The following RNF180 variants were observed in gnomAD, a reference collection of about 807,000 sequenced individuals.
The protein encoded by RNF180 is ring finger protein 180.
RNF180 carries 38 observed loss-of-function variants against 59.2 expected under a neutral mutation model. The ratio of observed to expected loss-of-function variants is 0.64; its 90% CI spans 0.50 to 0.84. The LOEUF (loss-of-function observed/expected upper bound fraction) is 0.84. Among genes scored for constraint, RNF180 ranks in the 40% least tolerant of loss-of-function variants. RNF180 has a pLI of 0.00. For synonymous variants in RNF180, 262 were observed against 240.3 expected, an observed-to-expected ratio of 1.09 and a Z score of -0.84; for missense variants, 705 against 700.9, an observed-to-expected ratio of 1.01 and a Z score of -0.07.
At chr5:64,243,344 A>T (rs1385583188) in intron 5 of RNF180, among the ~76,000 whole-genome samples, 1 of 152,266 alleles carries the variant, frequency 6.6e-6, no homozygotes, top group South Asian at 2.1e-4. Flanking sequence ...GCTCAAAATT[A>T]TTGCTGCCAG....
At chr5:64,262,348 G>A (rs1419972247) in intron 5 of RNF180, among the ~76,000 whole-genome samples, 2 of 152,156 alleles carry the variant, frequency 1.3e-5, no homozygotes, top group Admixed American at 6.6e-5. Flanking sequence ...TAATGCATCT[G>A]TGTGTCATCT....
At chr5:64,240,452 G>C (rs547114533) in intron 5 of RNF180, among the ~76,000 whole-genome samples, 1 of 152,276 alleles carries the variant, frequency 6.6e-6, no homozygotes, top group African/African-American at 2.4e-5. Context: ...ATGAACCTCA[G>C]ATTCCTTAAA....
intron 7 of RNF180, among the ~76,000 whole-genome samples, chr5:64,366,937 A>G (rs1459127370): frequency 6.6e-6 from 1 of 151,592 alleles, no homozygotes; most frequent in African/African-American, 2.4e-5. Flanking sequence ...ACATATGGCC[A>G]AACTATCAAG....
rs1021343654 is a variant in RNF180, at chr5:64,371,231, C to CT, written c.*1418dup. 1.3e-3 allele frequency: 204 copies of CT among 151,614 alleles called. No homozygotes were observed. Among genetic ancestry groups the CT allele is most frequent in the African/African-American group, 4.7e-3 (195 of 41,478 alleles). 9.4% of individuals were successfully genotyped at this position (151,614 alleles called of 1,614,324 possible). On this transcript the variant is annotated 3_prime_UTR_variant, in exon 8 of 8. Coordinates refer to ENST00000389100, the MANE Select transcript of RNF180 (RefSeq NM_001113561.2). ...GACATCAAATCCAGAAATCAGAACA[C>CT]TAAGTACAATTTAGAAACACAGATA...
intron 5 of RNF180, among the ~76,000 whole-genome samples, chr5:64,294,465 ATTTAAAC>A (rs994761730): frequency 2.0e-5 from 3 of 152,222 alleles, no homozygotes; most frequent in African/African-American, 4.8e-5. Flanking sequence ...ATTTTAATCT[ATTTAAAC>A]TTTAATGTAA....
At chr5:64,220,001 T>A (rs533960733) in intron 5 of RNF180, among the ~76,000 whole-genome samples, 8 of 152,310 alleles carry the variant, frequency 5.3e-5, no homozygotes, top group Admixed American at 1.3e-4. Context: ...TTATCTAAGT[T>A]GTCAAAATTA....
chr5:64,170,334 A>G (rs1749875200), intron 1 of RNF180, among the ~76,000 whole-genome samples: 1 of 152,230 alleles, frequency 6.6e-6, no homozygotes, highest in African/African-American at 2.4e-5. Context: ...CTTGTATCCC[A>G]TGACTGGATT....
chr5:64,183,194 CTT>C (rs1483387549), intron 1 of RNF180, among the ~76,000 whole-genome samples: 1 of 152,110 alleles, frequency 6.6e-6, no homozygotes, highest in Non-Finnish European at 1.5e-5. Flanking sequence ...TCAGAAGTCA[CTT>C]AACTTCTAGG....
Position 64,223,516 on chromosome 5 carries a change from CTAT to C in RNF180, c.1227+6127_1227+6129del, listed in dbSNP as rs572974531. ...TTTGACACAATTTTAGAGATAATTT[CTAT>C]TATTATCCCTATTTTATAGATGGAG... On this transcript the variant is annotated intron_variant, in intron 5 of 7. Coordinates refer to ENST00000389100, the MANE Select transcript of RNF180 (RefSeq NM_001113561.2). Among the ~76,000 whole-genome samples, 22 of 151,132 alleles carry C rather than the reference CTAT, an allele frequency of 1.5e-4. No individual in the cohort carries two copies. The South Asian group carries it at 2.3e-3, about 16-fold the overall frequency.
intron 1 of RNF180, among the ~76,000 whole-genome samples, chr5:64,167,677 A>G (rs565659912): frequency 6.6e-6 from 1 of 152,312 alleles, no homozygotes; most frequent in East Asian, 1.9e-4. Flanking sequence ...CTGAATGATA[A>G]TGCTTTTTAC....
intron 7 of RNF180, among the ~76,000 whole-genome samples, chr5:64,336,723 G>A (rs1745141145): frequency 6.6e-6 from 1 of 152,060 alleles, no homozygotes; most frequent in African/African-American, 2.4e-5. Flanking sequence ...CTCTTTTGTA[G>A]TTACTTTGCT....
intron 5 of RNF180, among the ~76,000 whole-genome samples, 166 bp from the exon 6 acceptor site, chr5:64,325,020 T>C (rs937349822): frequency 2.6e-5 from 4 of 152,232 alleles, no homozygotes; most frequent in Non-Finnish European, 4.4e-5. Flanking sequence ...TTTTCATGTA[T>C]ATTTTTAGTT....
rs532498507 is a variant in RNF180, at chr5:64,183,807, A to G, written c.1-17001A>G. 2.0e-5 allele frequency among the ~76,000 whole-genome samples: 3 copies of G among 152,344 alleles called. No homozygotes were observed. The East Asian group carries it at 5.8e-4, about 29-fold the overall frequency. ...AACAGCATAGTAACATATAGTTATC[A>G]AACCACATATGATGTCCTGAAACTC... On this transcript the variant is annotated intron_variant, in intron 1 of 7. Transcript: ENST00000389100.
intron 5 of RNF180, among the ~76,000 whole-genome samples, chr5:64,277,327 G>A (rs965979183): frequency 6.6e-6 from 1 of 152,108 alleles, no homozygotes; most frequent in Non-Finnish European, 1.5e-5. Flanking sequence ...TCCTGTTTAT[G>A]TAAAATATGT....
At chr5:64,245,211 T>A (rs926843109) in intron 5 of RNF180, among the ~76,000 whole-genome samples, 3 of 152,150 alleles carry the variant, frequency 2.0e-5, no homozygotes, top group Non-Finnish European at 2.9e-5. Flanking sequence ...CCACATCAAC[T>A]AACAGGCAAA....
At chr5:64,218,706 G>A (rs1366197346) in intron 5 of RNF180, among the ~76,000 whole-genome samples, 1 of 152,122 alleles carries the variant, frequency 6.6e-6, no homozygotes, top group Non-Finnish European at 1.5e-5. Context: ...CGTGAACATG[G>A]TATGTCTTTC....
chr5:64,198,520 A>G (rs994023899), intron 1 of RNF180, among the ~76,000 whole-genome samples: 1 of 152,194 alleles, frequency 6.6e-6, no homozygotes, highest in African/African-American at 2.4e-5. Context: ...AATCTCCTAC[A>G]GGGTTTTTTT....
chr5:64,349,358 GT>G (rs1745686142), intron 7 of RNF180, among the ~76,000 whole-genome samples: 1 of 147,420 alleles, frequency 6.8e-6, no homozygotes, highest in African/African-American at 2.5e-5. Context: ...TTTTAATAAA[GT>G]TTTTAATTGC....
chr5:64,169,275 G>A (rs1749813201), intron 1 of RNF180, among the ~76,000 whole-genome samples: 1 of 152,164 alleles, frequency 6.6e-6, no homozygotes, highest in Non-Finnish European at 1.5e-5. Flanking sequence ...CTTTCAGTAA[G>A]CTTTCACCTA....
Sources: gnomAD v4.1 joint callset for allele counts (sites outside exome capture counted in the v4.1 genomes callset) on GRCh38, gnomAD v4.1.1 for gene constraint, MANE v1.5 for transcripts, NCBI Gene and HGNC (gene_info 2026-07-23, HGNC 2026-07-21) for gene names.